Variants in JCHAIN observed in about 807,000 individuals in gnomAD.
The protein encoded by JCHAIN is immunoglobulin J chain.
JCHAIN carries 5 observed loss-of-function variants against 11.1 expected under a neutral mutation model. The ratio of observed to expected loss-of-function variants is 0.45; its 90% confidence interval spans 0.24 to 0.95. The LOEUF is 0.95. Ranked by LOEUF, JCHAIN falls within the 40% of genes least tolerant of loss-of-function variation. The pLI is 0.21. For synonymous variants in JCHAIN, 51 were observed against 67.8 expected, an observed-to-expected ratio of 0.75 and a Z score of 1.22; for missense variants, 165 against 192.7, an observed-to-expected ratio of 0.86 and a Z score of 0.85.
intron 1 of JCHAIN, among the ~76,000 whole-genome samples, chr4:70,663,781 G>A (rs1302933467): frequency 2.7e-5 from 4 of 147,070 alleles, no homozygotes; most frequent in Non-Finnish European, 4.5e-5. Flanking sequence ...GGCTGGTCTC[G>A]AACTCCTGAC....
chr4:70,659,831 C>A (rs1430523903), intron 2 of JCHAIN, among the ~76,000 whole-genome samples: 2 of 151,990 alleles, frequency 1.3e-5, no homozygotes, highest in Non-Finnish European at 2.9e-5. Context: ...CGCACCACTG[C>A]ATTCCAACCC....
intron 2 of JCHAIN, among the ~76,000 whole-genome samples, chr4:70,657,584 T>C (rs1381718745): frequency 6.6e-6 from 1 of 152,216 alleles, no homozygotes; most frequent in Admixed American, 6.5e-5. Flanking sequence ...GTAATAATTA[T>C]ATTGATGTTA....
In JCHAIN at chr4:70,656,484, T is replaced by TTAA; in HGVS notation, c.324_325insTTA (p.Ala108_Thr109insLeu). On this transcript the variant is annotated inframe_insertion, in exon 4 of 4. Coordinates refer to ENST00000254801, the MANE Select transcript of JCHAIN (RefSeq NM_144646.4). Reference sequence around the variant, plus strand: ...TCTTCATCACAGATATTGCTCTGGGTAGCAGTAACTATCTGATTATCCAGC... The same window carrying TTAA: ...TCTTCATCACAGATATTGCTCTGGGTTAAAGCAGTAACTATCTGATTATCCAGC... 1 of 1,613,882 alleles carries TTAA rather than the reference T, an allele frequency of 6.2e-7. No individual in the cohort carries two copies. The highest frequency in any genetic ancestry group is 2.2e-5 in the East Asian group (1 of 44,880).
Position 70,656,360 on chromosome 4 carries a change from G to A in JCHAIN, c.449C>T (p.Ala150Val). The A allele has an allele frequency of 6.2e-7, 1 of 1,613,876 alleles. No individual in the cohort carries two copies. Among genetic ancestry groups the A allele is most frequent in the Non-Finnish European group, 8.5e-7 (1 of 1,179,790 alleles). Residue 150 changes from alanine (A) to valine (V), a missense_variant, in exon 4 of 4, where the codon GCC becomes GTC. Physicochemically the swap from Ala to Val is moderately conservative, Grantham distance 64. Coordinates refer to ENST00000254801, the MANE Select transcript of JCHAIN (RefSeq NM_144646.4). ...YGGETKMVET[A>V]LTPDACYPD ...AGGATAGCAGGCATCTGGGGTTAAG[G>A]CTGTTTCCACCATTTTGGTCTCACC... is the stretch of plus-strand genomic sequence containing the variant.
At chr4:70,659,549 CAAAAAAAAAA>C (rs35627461) in intron 2 of JCHAIN, among the ~76,000 whole-genome samples, 23 of 16,550 alleles carry the variant, frequency 1.4e-3, no homozygotes, top group South Asian at 7.8e-3. Flanking sequence ...GACTCTGTCT[CAAAAAAAAAA>C]AAAAAAAAAA....
chr4:70,658,703 T>G (rs1380517364), intron 2 of JCHAIN, among the ~76,000 whole-genome samples: 3 of 152,138 alleles, frequency 2.0e-5, no homozygotes, highest in African/African-American at 7.2e-5. Context: ...AGCAAACTCC[T>G]ATTGAGCTAA....
chr4:70,666,486 T>C lies in JCHAIN; in HGVS notation c.5A>G (p.Lys2Arg), dbSNP rs1739158391. The change falls in exon 1 of 4, where the codon AAG (lysine) becomes AGG (arginine). Residue 2 changes from lysine to arginine, a missense_variant. Physicochemically the swap from Lys to Arg is conservative, Grantham distance 26. Transcript: ENST00000254801. ...GACTCCCCAGAAAAGCAAATGGTTC[T>C]TCATCTTGACTTCACTTCTTCTGAA... is the stretch of plus-strand genomic sequence containing the variant. M[K>R]NHLLFWGVLA... 1.2e-6 allele frequency: 2 copies of C among 1,612,302 alleles called. No homozygotes were observed. Among genetic ancestry groups the C allele is most frequent in the African/African-American group, 1.3e-5 (1 of 74,870 alleles).
intron 2 of JCHAIN, among the ~76,000 whole-genome samples, chr4:70,660,171 A>G (rs888534912): frequency 6.6e-6 from 1 of 152,126 alleles, no homozygotes; most frequent in African/African-American, 2.4e-5. Flanking sequence ...TACTCCAGCT[A>G]TTCTATCCCT....
intron 2 of JCHAIN, among the ~76,000 whole-genome samples, chr4:70,658,476 A>G (rs1039643694): frequency 1.3e-5 from 2 of 152,218 alleles, no homozygotes; most frequent in African/African-American, 4.8e-5. Context: ...TGCCAGCTGT[A>G]AACAATCACT....
At chr4:70,664,851 G>A (rs1292897090) in intron 1 of JCHAIN, among the ~76,000 whole-genome samples, 1 of 152,106 alleles carries the variant, frequency 6.6e-6, no homozygotes, top group Non-Finnish European at 1.5e-5. Context: ...TTCCTTACCA[G>A]AAACCTGGGA....
At chr4:70,662,965 A>G (rs1391779262) in intron 1 of JCHAIN, among the ~76,000 whole-genome samples, 1 of 152,074 alleles carries the variant, frequency 6.6e-6, no homozygotes, top group East Asian at 1.9e-4. Context: ...TCTCAAAAAA[A>G]AAAGGAAAAA....
chr4:70,660,349 G>A (rs1234025410), intron 2 of JCHAIN, among the ~76,000 whole-genome samples: 2 of 151,952 alleles, frequency 1.3e-5, no homozygotes, highest in Non-Finnish European at 2.9e-5. Flanking sequence ...TGTGAATGTG[G>A]GGAAATAGAG....
In JCHAIN at chr4:70,655,544, G is replaced by C. The variant is rs906946605; in HGVS notation, c.*785C>G. ...AACAAATTATTTCACACAGGTATATGCTTATGAATCTATTTAATTGCTCAG... is the reference window on the plus strand; with the variant it reads ...AACAAATTATTTCACACAGGTATATCCTTATGAATCTATTTAATTGCTCAG... On this transcript the variant is annotated 3_prime_UTR_variant, in exon 4 of 4. Coordinates refer to ENST00000254801, the MANE Select transcript of JCHAIN (RefSeq NM_144646.4). 1.7e-4 allele frequency: 26 copies of C among 152,120 alleles called. No individual in the cohort carries two copies. Among genetic ancestry groups the C allele is most frequent in the African/African-American group, 6.3e-4 (26 of 41,424 alleles). 9.4% of individuals were successfully genotyped at this position (152,120 alleles called of 1,614,324 possible). A position where few individuals can be genotyped will look rare whatever the true frequency, so the allele number is the denominator to read the frequency against.
chr4:70,664,163 G>T (rs1340525216), intron 1 of JCHAIN: 1 of 151,922 alleles, frequency 6.6e-6, no homozygotes, highest in Non-Finnish European at 1.5e-5. Flanking sequence ...GGAGGTGGAG[G>T]TTGCAGTGAG....
chr4:70,657,178 A>G, intron 3 of JCHAIN, 33 bp downstream of exon 3: 1 of 1,174,772 alleles, frequency 8.5e-7, no homozygotes, highest in Non-Finnish European at 1.3e-6. Context: ...TAACTTCCAC[A>G]TCTATATTAC....
rs115818504 is a variant in JCHAIN at position 70,659,841 on chromosome 4, C to T, written c.188+2251G>A. 9.3e-3 allele frequency among the ~76,000 whole-genome samples: 1,410 copies of T among 151,858 alleles called. 22 individuals are homozygous for T. The highest frequency in any genetic ancestry group is 0.032 in the African/African-American group (1,326 of 41,416). On this transcript the variant is annotated intron_variant, in intron 2 of 3. Coordinates refer to ENST00000254801, the MANE Select transcript of JCHAIN (RefSeq NM_144646.4). Reference sequence around the variant, plus strand: ...AAGATCGCACCACTGCATTCCAACCCGGGTGACAGAGGGAGACTCCATCTC... The same window carrying T: ...AAGATCGCACCACTGCATTCCAACCTGGGTGACAGAGGGAGACTCCATCTC...
At chr4:70,658,501 C>T (rs567973838) in intron 2 of JCHAIN, among the ~76,000 whole-genome samples, 9 of 152,304 alleles carry the variant, frequency 5.9e-5, no homozygotes, top group South Asian at 4.1e-4. Context: ...ATTCCACAAA[C>T]GTACCATGCT....
chr4:70,658,570 C>CT (rs1738998759), intron 2 of JCHAIN, among the ~76,000 whole-genome samples: 1 of 152,184 alleles, frequency 6.6e-6, no homozygotes, highest in Non-Finnish European at 1.5e-5. Flanking sequence ...TTACAGTGTG[C>CT]CTGGTACTAT....
intron 1 of JCHAIN, among the ~76,000 whole-genome samples, chr4:70,662,913 C>T (rs1284444453): frequency 3.3e-5 from 5 of 151,242 alleles, no homozygotes; most frequent in South Asian, 2.1e-4. Context: ...GAGCCAAGAT[C>T]GTGCCACTGC....
Sources: allele counts gnomAD v4.1 joint callset (sites outside exome capture counted in the v4.1 genomes callset), GRCh38; gene constraint gnomAD v4.1.1; transcripts MANE v1.5; gene names NCBI Gene and HGNC (gene_info 2026-07-23, HGNC 2026-07-21).